MAGI2: variants seen among roughly 807,000 people sequenced by gnomAD.
MAGI2 encodes the protein membrane associated guanylate kinase, WW and PDZ domain containing 2.
MAGI2 carries 35 observed loss-of-function variants against 133.3 expected under a neutral mutation model. The ratio of observed to expected loss-of-function variants is 0.26; its 90% CI spans 0.20 to 0.35. MAGI2 has a LOEUF of 0.35. Among genes scored for constraint, MAGI2 ranks in the 10% least tolerant of loss-of-function variants. The probability of loss-of-function intolerance (pLI) is 1.00; values close to 1 mark genes in which losing one functional copy is unlikely to be tolerated. For missense variants in MAGI2, 1,636 were observed against 1,863.4 expected (o/e 0.88, Z 2.25); for synonymous variants, 729 against 710.6 (o/e 1.03, Z -0.41).
intron 10 of MAGI2, among the ~76,000 whole-genome samples, chr7:78,244,186 A>G (rs1791501703): frequency 6.7e-6 from 1 of 148,624 alleles, no homozygotes; most frequent in African/African-American, 2.5e-5. Context: ...AAAAAAAAAA[A>G]AAAAAAAGAA....
intron 21 of MAGI2, among the ~76,000 whole-genome samples, chr7:78,063,245 CTTTTCTTT>C (rs1813466683): frequency 1.1e-4 from 3 of 28,028 alleles, no homozygotes; most frequent in Non-Finnish European, 3.6e-4. Flanking sequence ...TTTTTCTTTT[CTTTTCTTT>C]TCTTTTGAGA....
chr7:78,204,069 T>C (rs1055594967), intron 10 of MAGI2, among the ~76,000 whole-genome samples: 4 of 152,218 alleles, frequency 2.6e-5, no homozygotes, highest in African/African-American at 9.6e-5. Context: ...GAAATTATTC[T>C]GGTAGGACAT....
chr7:78,407,834 C>T (rs1797525845), intron 6 of MAGI2, among the ~76,000 whole-genome samples: 1 of 151,482 alleles, frequency 6.6e-6, no homozygotes, highest in Non-Finnish European at 1.5e-5. Context: ...TAATTCTAAT[C>T]ACAGGAGCTT....
chr7:78,886,891 G>C (rs542653035), intron 2 of MAGI2, among the ~76,000 whole-genome samples: 11 of 152,192 alleles, frequency 7.2e-5, no homozygotes, highest in Middle Eastern at 3.4e-3. Context: ...CCTTGTAGGA[G>C]GTAACTGAAT....
chr7:78,281,956 C>A (rs1795644792), intron 9 of MAGI2, among the ~76,000 whole-genome samples: 1 of 150,842 alleles, frequency 6.6e-6, no homozygotes, highest in Non-Finnish European at 1.5e-5. Flanking sequence ...TCATTTCTTA[C>A]AGAATTTTCA....
At chr7:78,493,081 C>T (rs1793768464) in intron 5 of MAGI2, among the ~76,000 whole-genome samples, 5 of 152,172 alleles carry the variant, frequency 3.3e-5, no homozygotes, top group Admixed American at 3.3e-4. Flanking sequence ...ATATCCCAAA[C>T]TCTTCTCTGA....
At chr7:78,049,222 T>C (rs949397271) in intron 21 of MAGI2, among the ~76,000 whole-genome samples, 1 of 152,122 alleles carries the variant, frequency 6.6e-6, no homozygotes, top group African/African-American at 2.4e-5. Context: ...AAAGAGACAT[T>C]GTGAAATAAA....
In MAGI2 at chr7:78,036,481, C is replaced by A. The variant is rs184333900; in HGVS notation, c.3707-16505G>T. Reference sequence around the variant, plus strand: ...CTCTTCATACTCAATGCTGTGCATGCGTTCTGTCATTTAAGTTTCATAACA... The same window carrying A: ...CTCTTCATACTCAATGCTGTGCATGAGTTCTGTCATTTAAGTTTCATAACA... On this transcript the variant is annotated intron_variant, in intron 21 of 21. Coordinates refer to ENST00000354212, the MANE Select transcript of MAGI2 (RefSeq NM_012301.4). 7.9e-4 allele frequency among the ~76,000 whole-genome samples: 121 copies of A among 152,238 alleles called. No individual in the cohort carries two copies. In the Middle Eastern group the frequency reaches 0.01, roughly 13 times the overall value.
chr7:79,220,164 A>G (rs1000694053), intron 1 of MAGI2, among the ~76,000 whole-genome samples: 1 of 151,958 alleles, frequency 6.6e-6, no homozygotes, highest in African/African-American at 2.4e-5. Flanking sequence ...TTTGGAAACT[A>G]CATTTGTGTC....
chr7:78,691,925 G>A lies in MAGI2; in HGVS notation c.419-64686C>T, dbSNP rs371396673. ...GACTTTAAGTGATAATGATGTGTCAGTAAAGGCTTATCGATTGTAACCAAT... is the reference window on the plus strand; with the variant it reads ...GACTTTAAGTGATAATGATGTGTCAATAAAGGCTTATCGATTGTAACCAAT... On this transcript the variant is annotated intron_variant, in intron 2 of 21. Coordinates refer to ENST00000354212, the MANE Select transcript of MAGI2 (RefSeq NM_012301.4). Among the ~76,000 whole-genome samples, 109 of 152,280 alleles carry A rather than the reference G, an allele frequency of 7.2e-4. No individual in the cohort carries two copies. The South Asian group carries it at 0.022, about 30-fold the overall frequency.
At chr7:78,563,708 G>A (rs542654444) in intron 3 of MAGI2, among the ~76,000 whole-genome samples, 25 of 152,316 alleles carry the variant, frequency 1.6e-4, no homozygotes, top group African/African-American at 5.8e-4. Flanking sequence ...AAATGCCCAT[G>A]TGCTTTTCCA....
chr7:78,910,076 G>T (rs1013378934), intron 2 of MAGI2, among the ~76,000 whole-genome samples: 5 of 151,612 alleles, frequency 3.3e-5, no homozygotes, highest in Admixed American at 2.6e-4. Flanking sequence ...ATAAGTGGGA[G>T]TTGAACAATG....
intron 1 of MAGI2, among the ~76,000 whole-genome samples, chr7:79,365,610 CA>C (rs895246946): frequency 9.2e-5 from 14 of 151,910 alleles, no homozygotes; most frequent in African/African-American, 3.4e-4. Flanking sequence ...GCAATCCTAG[CA>C]CTTTGGGGGG....
chr7:79,396,999 T>G (rs1585832960), intron 1 of MAGI2, among the ~76,000 whole-genome samples: 1 of 151,974 alleles, frequency 6.6e-6, no homozygotes, highest in East Asian at 1.9e-4. Context: ...ATTCTTTCTT[T>G]ATATCCCCAC....
chr7:79,244,421 T>G (rs1296558532), intron 1 of MAGI2, among the ~76,000 whole-genome samples: 1 of 152,192 alleles, frequency 6.6e-6, no homozygotes, highest in Non-Finnish European at 1.5e-5. Flanking sequence ...ATTGGCCACC[T>G]GGTGCTGAGA....
chr7:79,139,866 T>A (rs1027160237), intron 1 of MAGI2: 3 of 152,238 alleles, frequency 2.0e-5, no homozygotes, highest in African/African-American at 4.8e-5. Flanking sequence ...ATAGTAAGCA[T>A]GTTTCTTATT....
intron 1 of MAGI2, among the ~76,000 whole-genome samples, chr7:79,416,960 C>T (rs559131346): frequency 8.6e-5 from 13 of 151,684 alleles, no homozygotes; most frequent in Non-Finnish European, 1.3e-4. Flanking sequence ...TCTCTTACTC[C>T]GGATCTTGTG....
chr7:79,118,775 C>A (rs1819625823), intron 1 of MAGI2, among the ~76,000 whole-genome samples: 1 of 152,056 alleles, frequency 6.6e-6, no homozygotes, highest in Admixed American at 6.6e-5. Flanking sequence ...TCCCTGATTC[C>A]ACTGGCCCAT....
intron 1 of MAGI2, among the ~76,000 whole-genome samples, chr7:79,019,285 A>G (rs1809050143): frequency 6.6e-6 from 1 of 152,076 alleles, no homozygotes; most frequent in South Asian, 2.1e-4. Flanking sequence ...GACTGGGTGG[A>G]GATAATTTAA....
Sources: allele counts gnomAD v4.1 joint callset (sites outside exome capture counted in the v4.1 genomes callset), GRCh38; gene constraint gnomAD v4.1.1; transcripts MANE v1.5; gene names NCBI Gene and HGNC (gene_info 2026-07-23, HGNC 2026-07-21).